FNDC3B: variants seen among roughly 807,000 people sequenced by gnomAD.
The protein encoded by FNDC3B is fibronectin type III domain containing 3B.
FNDC3B carries 12 observed loss-of-function variants against 151.5 expected under a neutral mutation model. The observed-to-expected ratio is 0.08, with a 90% confidence interval of 0.05 to 0.13. The LOEUF (loss-of-function observed/expected upper bound fraction) is 0.13. Ranked by LOEUF, FNDC3B falls within the 10% of genes least tolerant of loss-of-function variation. The probability of loss-of-function intolerance (pLI) is 1.00; values close to 1 mark genes in which losing one functional copy is unlikely to be tolerated. For missense variants in FNDC3B, 1,214 were observed against 1,505.3 expected (o/e 0.81, Z 3.20); for synonymous variants, 528 against 549.0 (o/e 0.96, Z 0.54).
At chr3:172,096,991 A>T (rs1282024705) in intron 1 of FNDC3B, among the ~76,000 whole-genome samples, 3 of 152,178 alleles carry the variant, frequency 2.0e-5, no homozygotes, top group Admixed American at 2.0e-4. Flanking sequence ...CCCACCCTGT[A>T]CTTTTCAAGC....
intron 1 of FNDC3B, among the ~76,000 whole-genome samples, chr3:172,070,076 C>T (rs1246426782): frequency 6.6e-6 from 1 of 152,150 alleles, no homozygotes; most frequent in Non-Finnish European, 1.5e-5. Flanking sequence ...GTCCCCTGCT[C>T]CCTTTTCTTT....
At chr3:172,397,025 T>C in intron 25 of FNDC3B, 139 bp from the exon 26 acceptor site, 1 of 645,002 alleles carries the variant, frequency 1.6e-6, no homozygotes, top group Non-Finnish European at 2.6e-6. Flanking sequence ...TTGAGAGAAG[T>C]ACATTTTTAT....
At chr3:172,281,944 A>G (rs1729750223) in intron 6 of FNDC3B, among the ~76,000 whole-genome samples, 3 of 152,026 alleles carry the variant, frequency 2.0e-5, no homozygotes, top group Admixed American at 2.0e-4. Context: ...ATGCCACCAA[A>G]CAATAGCTTC....
chr3:172,133,672 CT>C (rs138140214), intron 3 of FNDC3B, 126 bp downstream of exon 3: 27 of 764,400 alleles, frequency 3.5e-5, no homozygotes, highest in Non-Finnish European at 5.0e-5. Context: ...TATTCATTTT[CT>C]TTTTTTTTCT....
At chr3:172,391,629 T>C (rs909293456) in intron 25 of FNDC3B, among the ~76,000 whole-genome samples, 15 of 152,214 alleles carry the variant, frequency 9.9e-5, no homozygotes, top group Non-Finnish European at 4.4e-5. Flanking sequence ...AAAGAATCAG[T>C]GAAAGAGGTG....
intron 3 of FNDC3B, chr3:172,225,859 A>T (rs1726538534): frequency 6.5e-6 from 1 of 152,958 alleles, no homozygotes; most frequent in Non-Finnish European, 1.5e-5. Flanking sequence ...AAGGACTTTT[A>T]TGAAAATCTG....
intron 11 of FNDC3B, among the ~76,000 whole-genome samples, chr3:172,314,091 A>C (rs539715433): frequency 6.6e-6 from 1 of 152,212 alleles, no homozygotes; most frequent in Non-Finnish European, 1.5e-5. Context: ...TTCTACAGCC[A>C]GGTGCATCTC....
chr3:172,298,499 A>G (rs947050412), intron 8 of FNDC3B, among the ~76,000 whole-genome samples: 27 of 152,238 alleles, frequency 1.8e-4, no homozygotes, highest in South Asian at 2.1e-4. Context: ...TTTATTAGTA[A>G]GTTAACCATG....
intron 6 of FNDC3B, among the ~76,000 whole-genome samples, chr3:172,278,875 C>A (rs377257416): frequency 1.3e-5 from 2 of 151,992 alleles, no homozygotes; most frequent in African/African-American, 2.4e-5. Flanking sequence ...TGCAGAAAGC[C>A]GAGATCGCAC....
At chr3:172,133,354 G>A in intron 2 of FNDC3B, 117 bp from the exon 3 acceptor site, 1 of 775,720 alleles carries the variant, frequency 1.3e-6, no homozygotes, top group South Asian at 1.7e-5. Flanking sequence ...CAAGTTTTGT[G>A]TTTATAAAAG....
At chr3:172,045,239 C>T (rs758374310) in intron 1 of FNDC3B, among the ~76,000 whole-genome samples, 1 of 152,106 alleles carries the variant, frequency 6.6e-6, no homozygotes, top group Non-Finnish European at 1.5e-5. Flanking sequence ...AAACAAGGTC[C>T]AAGCTTTAGA....
intron 2 of FNDC3B, among the ~76,000 whole-genome samples, chr3:172,122,312 A>C (rs572514177): frequency 6.6e-6 from 1 of 152,178 alleles, no homozygotes; most frequent in Non-Finnish European, 1.5e-5. Context: ...TACATTTCCA[A>C]ATGCAAAAAT....
chr3:172,184,782 C>T (rs528455068), intron 3 of FNDC3B, among the ~76,000 whole-genome samples: 2 of 152,258 alleles, frequency 1.3e-5, no homozygotes, highest in East Asian at 1.9e-4. Flanking sequence ...TTGGAATTTT[C>T]CTTTTCCTTT....
rs189445860 is a variant in FNDC3B at position 172,112,148 on chromosome 3, C to T, written c.-28-304C>T. Among the ~76,000 whole-genome samples, 9 of 152,134 alleles carry T rather than the reference C, an allele frequency of 5.9e-5. No individual in the cohort carries two copies. In the East Asian group the frequency reaches 9.6e-4, roughly 16 times the overall value. On this transcript the variant is annotated intron_variant, in intron 1 of 25. Coordinates refer to ENST00000415807, the MANE Select transcript of FNDC3B (RefSeq NM_022763.4). ...ATTTCATTACAATAAATGGAATAAA[C>T]GGAATAGAAACAACGGAATCTACCT...
intron 1 of FNDC3B, among the ~76,000 whole-genome samples, chr3:172,085,841 A>C (rs965123460): frequency 2.0e-5 from 3 of 152,246 alleles, no homozygotes; most frequent in African/African-American, 7.2e-5. Flanking sequence ...CTATTAATGC[A>C]TAATGGATTC....
chr3:172,129,835 G>T (rs184995560), intron 2 of FNDC3B, among the ~76,000 whole-genome samples: 2 of 152,122 alleles, frequency 1.3e-5, no homozygotes, highest in Admixed American at 6.5e-5. Context: ...TGAAGACATG[G>T]TGCAGTATGA....
At chr3:172,389,684 T>G (rs1484207500) in intron 25 of FNDC3B, among the ~76,000 whole-genome samples, 2 of 151,954 alleles carry the variant, frequency 1.3e-5, no homozygotes, top group Non-Finnish European at 2.9e-5. Flanking sequence ...GCTAACACAG[T>G]GAAACCCTGT....
Position 172,282,041 on chromosome 3 carries a change from C to T in FNDC3B, c.791-3885C>T, listed in dbSNP as rs370340123. 7.9e-5 allele frequency among the ~76,000 whole-genome samples: 12 copies of T among 152,188 alleles called. No individual in the cohort carries two copies. The South Asian group carries it at 1.0e-3, about 13-fold the overall frequency. On this transcript the variant is annotated intron_variant, in intron 6 of 25. Coordinates refer to ENST00000415807, the MANE Select transcript of FNDC3B (RefSeq NM_022763.4). ...TGGTCATTCAGTGTACTTCGAGGCA[C>T]GCTTAGATCATGCTTAGGGTGAGAT...
intron 22 of FNDC3B, among the ~76,000 whole-genome samples, chr3:172,353,672 T>C (rs1034084666): frequency 2.0e-4 from 30 of 152,198 alleles, no homozygotes; most frequent in Admixed American, 3.9e-4. Context: ...CCTCAGAGGA[T>C]AGTTCTGTTA....
Sources: allele counts gnomAD v4.1 joint callset (sites outside exome capture counted in the v4.1 genomes callset), GRCh38; gene constraint gnomAD v4.1.1; transcripts MANE v1.5; gene names NCBI Gene and HGNC (gene_info 2026-07-23, HGNC 2026-07-21).